Variants in HSPD1 observed in about 807,000 individuals in gnomAD.
HSPD1 encodes the protein heat shock protein family D (Hsp60) member 1.
HSPD1 carries 3 observed loss-of-function variants against 53.0 expected under a neutral mutation model. The observed-to-expected ratio is 0.06, with a 90% confidence interval of 0.03 to 0.15. HSPD1 has a LOEUF of 0.15. HSPD1 is among the 10% of genes least tolerant of loss of function. The pLI, the probability that HSPD1 is intolerant of heterozygous loss-of-function variation, is 1.00. For missense variants in HSPD1, 431 were observed against 694.1 expected, an observed-to-expected ratio of 0.62 and a Z score of 4.26; for synonymous variants, 200 against 228.0, an observed-to-expected ratio of 0.88 and a Z score of 1.10.
At chr2:197,494,966 C>G (rs1380106656) in intron 4 of HSPD1, 2 of 603,812 alleles carry the variant, frequency 3.3e-6, no homozygotes, top group Non-Finnish European at 5.9e-6. Context: ...ATACATAAAA[C>G]TATTCTTGTA....
intron 9 of HSPD1, 33 bp downstream of exon 9, chr2:197,488,968 AC>A (rs2086059208): frequency 6.2e-7 from 1 of 1,610,874 alleles, no homozygotes; most frequent in African/African-American, 1.3e-5. Context: ...TGGACTCAGA[AC>A]CCAAGAAACT....
intron 3 of HSPD1, 136 bp from the exon 4 acceptor site, chr2:197,495,512 G>T: frequency 1.5e-6 from 1 of 647,460 alleles, no homozygotes; most frequent in South Asian, 1.8e-5. Context: ...TTGAGACAGG[G>T]TCTTGTTCTG....
intron 3 of HSPD1, among the ~76,000 whole-genome samples, chr2:197,495,670 G>A (rs1399752301): frequency 6.6e-6 from 1 of 151,988 alleles, no homozygotes; most frequent in African/African-American, 2.4e-5. Flanking sequence ...TGTTGCCCAA[G>A]GTGGTCTTGA....
Position 197,486,719 on chromosome 2 carries a change from T to C in HSPD1, c.*327A>G, listed in dbSNP as rs1025362653. ...CTGGTGGTGGCAAGCACTAAAATCC[T>C]GATTTTAACAGAATAGTAGTAAAAA... On this transcript the variant is annotated 3_prime_UTR_variant, in exon 12 of 12. Coordinates refer to ENST00000388968, the MANE Select transcript of HSPD1 (RefSeq NM_002156.5). 3.0e-6 allele frequency: 1 copy of C among 337,022 alleles called. No individual in the cohort carries two copies. Among genetic ancestry groups the C allele is most frequent in the Non-Finnish European group, 5.7e-6 (1 of 175,412 alleles). The allele number at this position is 337,022 out of a possible 1,614,324, so 20.9% of individuals were successfully genotyped here.
rs930121822 is a variant in HSPD1 at position 197,489,343 on chromosome 2, C to T, written c.970-96G>A. ...ACCATGCAAGAGAATCATCAAAATACTTTATTTCTTTGAAATGAGAGATTT... is the reference window on the plus strand; with the variant it reads ...ACCATGCAAGAGAATCATCAAAATATTTTATTTCTTTGAAATGAGAGATTT... On this transcript the variant is annotated intron_variant, in intron 8 of 11. Transcript: ENST00000388968. 2.4e-6 allele frequency: 3 copies of T among 1,259,838 alleles called. No individual in the cohort carries two copies. In the African/African-American group the frequency reaches 4.5e-5, roughly 19 times the overall value. The allele number at this position is 1,259,838 out of a possible 1,614,324, so 78.0% of individuals were successfully genotyped here. A position where few individuals can be genotyped will look rare whatever the true frequency, so the allele number is the denominator to read the frequency against.
chr2:197,493,622 T>C, intron 6 of HSPD1, 130 bp from the exon 7 acceptor site: 1 of 704,694 alleles, frequency 1.4e-6, no homozygotes, highest in Non-Finnish European at 2.5e-6. Context: ...TCATTTCTCA[T>C]ATGCATTAAC....
chr2:197,487,912 A>G lies in HSPD1; in HGVS notation c.1515T>C (p.Ala505=). 1 of 1,613,856 alleles carries G rather than the reference A, an allele frequency of 6.2e-7. No individual in the cohort carries two copies. The highest frequency in any genetic ancestry group is 1.1e-5 in the South Asian group (1 of 91,078). Residue 505 remains alanine, a synonymous_variant, in exon 11 of 12, where the codon GCT becomes GCC. Transcript: ENST00000388968. ...CCATATTCACAAAATCTCCAGCCAT[A>G]GCATCATAACCAACTTCTGAGGAAC... is the stretch of plus-strand genomic sequence containing the variant. The part of the protein sequence containing the change: ...MQSSSEVGYD[A]MAGDFVNMVE...
At chr2:197,500,231 TC>T, upstream of HSPD1, 1 of 646,214 alleles carries the variant, frequency 1.5e-6, no homozygotes, top group Non-Finnish European at 2.7e-6. Flanking sequence ...CGCGTCAGCG[TC>T]CTGCGCAGGG....
At chr2:197,489,418 G>A (rs751207405) in intron 8 of HSPD1, among the ~76,000 whole-genome samples, 171 bp from the exon 9 acceptor site, 1 of 152,082 alleles carries the variant, frequency 6.6e-6, no homozygotes, top group Non-Finnish European at 1.5e-5. Flanking sequence ...CTCTTTCACT[G>A]CATTTCCAAA....
chr2:197,499,714 C>G (rs2086218091), intron 1 of HSPD1, 68 bp downstream of exon 1: 4 of 151,812 alleles, frequency 2.6e-5, no homozygotes, highest in Admixed American at 6.6e-5. Flanking sequence ...CCAGCTGGAC[C>G]GCAGAGGAGG....
chr2:197,491,199 T>C (rs2086087393), intron 7 of HSPD1, among the ~76,000 whole-genome samples: 1 of 151,604 alleles, frequency 6.6e-6, no homozygotes, highest in Non-Finnish European at 1.5e-5. Flanking sequence ...TGTTTTTTTT[T>C]TTTTTTGAGA....
chr2:197,493,184 G>A (rs1156950064), intron 7 of HSPD1, 140 bp downstream of exon 7: 6 of 780,422 alleles, frequency 7.7e-6, no homozygotes, highest in East Asian at 2.5e-5. Flanking sequence ...GAGCACACCT[G>A]ATTTACACAA....
chr2:197,494,812 C>T, intron 4 of HSPD1, 60 bp from the exon 5 acceptor site: 2 of 1,103,032 alleles, frequency 1.8e-6, no homozygotes, highest in Middle Eastern at 2.0e-4. Flanking sequence ...TCAGTCAGTT[C>T]CCTTACCTTT....
chr2:197,489,927 A>G (rs1261762036), intron 8 of HSPD1, among the ~76,000 whole-genome samples: 1 of 152,104 alleles, frequency 6.6e-6, no homozygotes, highest in Non-Finnish European at 1.5e-5. Context: ...AAGAATAGTC[A>G]AGACAGATCA....
chr2:197,494,337 C>A (rs1197474643), intron 5 of HSPD1, 87 bp from the exon 6 acceptor site: 3 of 780,644 alleles, frequency 3.8e-6, no homozygotes. Flanking sequence ...ACAGACCCCT[C>A]TGGCCATAAG....
intron 2 of HSPD1, among the ~76,000 whole-genome samples, chr2:197,497,819 G>A (rs1459458072): frequency 6.6e-6 from 1 of 152,156 alleles, no homozygotes. Flanking sequence ...CCAGGTTCAC[G>A]CAACATAAAA....
At chr2:197,492,030 G>A (rs1559301697) in intron 7 of HSPD1, among the ~76,000 whole-genome samples, 1 of 152,226 alleles carries the variant, frequency 6.6e-6, no homozygotes, top group Non-Finnish European at 1.5e-5. Flanking sequence ...GCTTGTGCAA[G>A]TGTGTAGTCC....
At chr2:197,494,115 A>C (rs1304007858) in intron 6 of HSPD1, 42 bp downstream of exon 6, 4 of 948,934 alleles carry the variant, frequency 4.2e-6, no homozygotes, top group Non-Finnish European at 5.1e-6. Context: ...TCTGTCTAAA[A>C]TAATAAAAAT....
At chr2:197,495,195 T>C in intron 4 of HSPD1, 99 bp downstream of exon 4, 2 of 724,668 alleles carry the variant, frequency 2.8e-6, no homozygotes, top group Non-Finnish European at 5.1e-6. Flanking sequence ...GATGATTGGG[T>C]AGTATTGTTA....
Sources: allele counts gnomAD v4.1 joint callset (sites outside exome capture counted in the v4.1 genomes callset), GRCh38; gene constraint gnomAD v4.1.1; transcripts MANE v1.5; gene names NCBI Gene and HGNC (gene_info 2026-07-23, HGNC 2026-07-21).